The following JPH3 variants were observed in gnomAD, a reference collection of about 807,000 sequenced individuals.
The protein encoded by JPH3 is junctophilin-3.
JPH3 carries 11 observed loss-of-function variants against 59.6 expected under a neutral mutation model. That is an observed-to-expected ratio of 0.18 (90% CI 0.12 to 0.31). JPH3 has a LOEUF of 0.31. JPH3 is among the 10% of genes least tolerant of loss of function. The probability of loss-of-function intolerance (pLI) is 1.00; values close to 1 mark genes in which losing one functional copy is unlikely to be tolerated. For missense variants in JPH3, 1,202 were observed against 1,105.7 expected, an observed-to-expected ratio of 1.09 and a Z score of -1.24; for synonymous variants, 673 against 483.6, an observed-to-expected ratio of 1.39 and a Z score of -5.14.
upstream of JPH3, among the ~76,000 whole-genome samples, chr16:87,602,470 CGCGGGCGG>C (rs1198198763): frequency 1.0e-4 from 11 of 109,036 alleles, no homozygotes; most frequent in African/African-American, 3.1e-4. Context: ...GGCGGGGGCG[CGCGGGCGG>C]GCGGGGTGCG....
At chr16:87,638,440 G>T (rs1285735054) in intron 1 of JPH3, among the ~76,000 whole-genome samples, 1 of 151,908 alleles carries the variant, frequency 6.6e-6, no homozygotes, top group Non-Finnish European at 1.5e-5. Context: ...GGCTACTGGG[G>T]AGACACAGGA....
chr16:87,690,055 G>T lies in JPH3; in HGVS notation c.1695G>T (p.Gln565His), dbSNP rs759710426. The T allele has an allele frequency of 1.3e-5, 21 of 1,568,500 alleles. No homozygotes were observed. In the African/African-American group the frequency reaches 2.9e-4, roughly 21 times the overall value. Residue 565 changes from glutamine (Q) to histidine (H), a missense_variant, in exon 4 of 5, where the codon CAG (glutamine) becomes CAT (histidine). Physicochemically the swap from Gln to His is conservative, Grantham distance 24. Coordinates refer to ENST00000284262, the MANE Select transcript of JPH3 (RefSeq NM_020655.4). ...GCACCCGAGGTTCGGGCCGCAAGCA[G>T]CCCGGGAACCCCAAGCCGCGGGAGC... Reference protein sequence around the residue: ...DFRTRGSGRKQPGNPKPRERR... With the variant: ...DFRTRGSGRKHPGNPKPRERR...
At position 87,623,197 on chromosome 16, in the gene JPH3, C is replaced by G. The variant is rs138907119; in HGVS notation, c.382+19669C>G. On this transcript the variant is annotated intron_variant, in intron 1 of 4. Transcript: ENST00000284262. ...CTGGTCTCCTGGGAGCTGTGTGGTCCTGCAAGGACCTCAGCACCTTCCTTG... is the reference window on the plus strand; with the variant it reads ...CTGGTCTCCTGGGAGCTGTGTGGTCGTGCAAGGACCTCAGCACCTTCCTTG... Among the ~76,000 whole-genome samples the G allele has an allele frequency of 8.9e-3, 1,360 of 152,338 alleles. 22 individuals are homozygous for G. The highest frequency in any genetic ancestry group is 0.03 in the African/African-American group (1,244 of 41,586).
intron 1 of JPH3, among the ~76,000 whole-genome samples, chr16:87,628,496 C>G (rs1303675615): frequency 6.6e-6 from 1 of 152,210 alleles, no homozygotes; most frequent in Admixed American, 6.5e-5. Context: ...TGCTCTGTTG[C>G]CCGGTGACAG....
rs894451536 is a variant in JPH3 at position 87,696,951 on chromosome 16, C to T, written c.*291C>T. On this transcript the variant is annotated 3_prime_UTR_variant, in exon 5 of 5. Coordinates refer to ENST00000284262, the MANE Select transcript of JPH3 (RefSeq NM_020655.4). The stretch of plus-strand genomic sequence containing the variant: ...CTCCACGTGGAGACAGAAGGGATCC[C>T]GGCACATCAGTGGTAACAGCGGACG... The T allele has an allele frequency of 2.2e-5, 9 of 417,960 alleles. No individual in the cohort carries two copies. Among genetic ancestry groups the T allele is most frequent in the South Asian group, 6.8e-5 (3 of 44,064 alleles). The allele number at this position is 417,960 out of a possible 1,614,324, so 25.9% of individuals were successfully genotyped here.
chr16:87,663,865 C>T (rs1383894401), intron 2 of JPH3, among the ~76,000 whole-genome samples: 1 of 150,172 alleles, frequency 6.7e-6, no homozygotes, highest in Non-Finnish European at 1.5e-5. Flanking sequence ...TTTTGAGTGC[C>T]CTTTCCCTAA....
chr16:87,652,131 T>C (rs1240518557), intron 2 of JPH3, among the ~76,000 whole-genome samples: 5 of 152,116 alleles, frequency 3.3e-5, no homozygotes, highest in Non-Finnish European at 7.4e-5. Flanking sequence ...CCCACCACCG[T>C]GCCCAGCTAA....
At chr16:87,693,004 G>A (rs963774869) in intron 4 of JPH3, among the ~76,000 whole-genome samples, 1 of 152,260 alleles carries the variant, frequency 6.6e-6, no homozygotes, top group Admixed American at 6.5e-5. Context: ...TCAGTGGGCA[G>A]GGCTGGGCCC....
intron 1 of JPH3, among the ~76,000 whole-genome samples, chr16:87,638,097 T>C (rs755590907): frequency 3.9e-5 from 6 of 152,056 alleles, no homozygotes; most frequent in Admixed American, 1.3e-4. Flanking sequence ...TTTTTATAGT[T>C]TTAGTGAAGA....
At chr16:87,614,709 T>G (rs12917840) in intron 1 of JPH3, among the ~76,000 whole-genome samples, 52,298 of 99,770 alleles carry the variant, frequency 0.52, 11,804 homozygotes, top group East Asian at 0.63. Flanking sequence ...CGGGATAAAC[T>G]CTGGTCCCTG....
At chr16:87,687,818 G>T (rs552677904) in intron 3 of JPH3, among the ~76,000 whole-genome samples, 2 of 152,176 alleles carry the variant, frequency 1.3e-5, no homozygotes, top group African/African-American at 4.8e-5. Flanking sequence ...GTGGGTGGAC[G>T]ACCTGGTGGG....
chr16:87,678,552 A>C (rs1396686151), intron 2 of JPH3, among the ~76,000 whole-genome samples: 4 of 150,946 alleles, frequency 2.6e-5, no homozygotes, highest in African/African-American at 9.8e-5. Flanking sequence ...CACACACACA[A>C]TATATATATA....
upstream of JPH3, among the ~76,000 whole-genome samples, chr16:87,602,425 C>CGGGGGGCGGGGGCGGGGGGCGGGGGGCG (rs2030240900): frequency 1.6e-4 from 1 of 6,122 alleles, no homozygotes; most frequent in African/African-American, 6.8e-4. Flanking sequence ...GGGGCGGGGG[C>CGGGGGGCGGGGGCGGGGGGCGGGGGGCG]GGGGGCGGGG....
intron 2 of JPH3, among the ~76,000 whole-genome samples, chr16:87,658,551 C>G (rs145839460): frequency 6.1e-4 from 93 of 152,308 alleles, no homozygotes; most frequent in African/African-American, 2.0e-3. Context: ...TTCTCTCTCT[C>G]TCCCCAACCC....
chr16:87,680,352 C>CTGCGCCAGGAAGGAAGCGGTG (rs1555542424), intron 2 of JPH3, among the ~76,000 whole-genome samples: 1 of 150,922 alleles, frequency 6.6e-6, no homozygotes, highest in African/African-American at 2.4e-5. Context: ...TGTGGAGGGG[C>CTGCGCCAGGAAGGAAGCGGTG]TGCGCCCGGA....
intron 1 of JPH3, among the ~76,000 whole-genome samples, chr16:87,640,786 C>T (rs2031923569): frequency 1.3e-5 from 2 of 152,214 alleles, no homozygotes; most frequent in African/African-American, 4.8e-5. Context: ...TACCAGGCGT[C>T]CTGTGTTTGA....
At chr16:87,604,701 C>T (rs1286699330) in intron 1 of JPH3, 2 of 1,117,294 alleles carry the variant, frequency 1.8e-6, no homozygotes, top group Non-Finnish European at 2.2e-6. Flanking sequence ...ACCTGCTCCA[C>T]GGCCACATCC....
intron 1 of JPH3, among the ~76,000 whole-genome samples, chr16:87,620,287 G>T (rs1054389536): frequency 4.6e-5 from 7 of 151,582 alleles, no homozygotes; most frequent in African/African-American, 1.7e-4. Flanking sequence ...AGGCCAGGGG[G>T]GTGGGGCTGC....
At position 87,636,417 on chromosome 16, in the gene JPH3, G is replaced by C. The variant is rs534229132; in HGVS notation, c.383-7841G>C. Among the ~76,000 whole-genome samples the C allele has an allele frequency of 1.2e-4, 18 of 152,354 alleles. No individual in the cohort carries two copies. The East Asian group carries it at 3.3e-3, about 28-fold the overall frequency. On this transcript the variant is annotated intron_variant, in intron 1 of 4. Transcript: ENST00000284262. ...GGGTGGCCGAGCTGATGGTGCAGGC[G>C]TGTGCGCTCAATAGCTCCGTCACAG...
Sources: allele counts gnomAD v4.1 joint callset (sites outside exome capture counted in the v4.1 genomes callset), GRCh38; gene constraint gnomAD v4.1.1; transcripts MANE v1.5; gene names NCBI Gene and HGNC (gene_info 2026-07-23, HGNC 2026-07-21).